The following NRCAM variants were observed in gnomAD, a reference collection of about 807,000 sequenced individuals.
NRCAM encodes the protein neuronal cell adhesion molecule.
In NRCAM, 83 loss-of-function variants were observed where a neutral mutation model predicts 156.5. That is an observed-to-expected ratio of 0.53 (90% CI 0.44 to 0.64). NRCAM has a LOEUF of 0.64. NRCAM is among the 30% of genes least tolerant of loss of function. The pLI is 0.00. For synonymous variants in NRCAM, 538 were observed against 563.9 expected (o/e 0.95, Z 0.65); for missense variants, 1,417 against 1,597.3 (o/e 0.89, Z 1.92).
intron 20 of NRCAM, 86 bp downstream of exon 20, chr7:108,189,559 T>C (rs2069724663): frequency 9.8e-6 from 7 of 712,024 alleles, no homozygotes; most frequent in Middle Eastern, 2.3e-4. Context: ...GTAAATACCT[T>C]TGTGAGGAAA....
At chr7:108,390,706 A>G (rs2099756978) in intron 2 of NRCAM, among the ~76,000 whole-genome samples, 2 of 152,118 alleles carry the variant, frequency 1.3e-5, no homozygotes, top group Admixed American at 6.5e-5. Flanking sequence ...CCTTGTGGGC[A>G]TTTAGTGCTA....
intron 3 of NRCAM, among the ~76,000 whole-genome samples, chr7:108,245,905 G>C (rs1445964578): frequency 6.6e-6 from 1 of 152,084 alleles, no homozygotes; most frequent in Non-Finnish European, 1.5e-5. Context: ...AACAATATGA[G>C]GCAATGATGT....
chr7:108,421,884 G>A (rs1050083357), intron 1 of NRCAM, among the ~76,000 whole-genome samples: 5 of 152,136 alleles, frequency 3.3e-5, no homozygotes, highest in Admixed American at 1.3e-4. Flanking sequence ...GGAGATTAAC[G>A]ACATACTTAA....
intron 3 of NRCAM, among the ~76,000 whole-genome samples, chr7:108,249,605 T>G (rs1047577494): frequency 2.0e-5 from 3 of 152,216 alleles, no homozygotes; most frequent in African/African-American, 7.2e-5. Flanking sequence ...ATTTAGAATA[T>G]AAATCAGTTT....
intron 28 of NRCAM, among the ~76,000 whole-genome samples, chr7:108,170,617 T>G (rs2057904432): frequency 6.6e-6 from 1 of 152,214 alleles, no homozygotes; most frequent in Non-Finnish European, 1.5e-5. Context: ...TTGATTGATG[T>G]GTCATAACTC....
In NRCAM at chr7:108,291,513, AG is replaced by A. The variant is rs1351523977; in HGVS notation, c.-107+21151del. ...CTTTCTCAAATGTGTCTTTCTTGAC[AG>A]GTAAGCATGAGTCAGGACTGGCTAA... is the stretch of plus-strand genomic sequence containing the variant. On this transcript the variant is annotated intron_variant, in intron 3 of 32. Coordinates refer to ENST00000379028, the MANE Select transcript of NRCAM (RefSeq NM_001037132.4). Among the ~76,000 whole-genome samples the A allele has an allele frequency of 9.9e-5, 15 of 152,212 alleles. 1 individual carries two copies. Among genetic ancestry groups the A allele is most frequent in the African/African-American group, 2.9e-4 (12 of 41,466 alleles).
At chr7:108,358,467 T>C (rs536357980) in intron 2 of NRCAM, among the ~76,000 whole-genome samples, 2 of 152,130 alleles carry the variant, frequency 1.3e-5, no homozygotes, top group East Asian at 3.9e-4. Context: ...TACGTATTTT[T>C]TTTTTTCTTT....
chr7:108,390,479 C>T (rs542412783), intron 2 of NRCAM, among the ~76,000 whole-genome samples: 36 of 152,088 alleles, frequency 2.4e-4, no homozygotes, highest in Admixed American at 4.6e-4. Context: ...CTTTATTAGT[C>T]TTGCTAGCAG....
At chr7:108,452,648 A>G (rs935449072) in intron 1 of NRCAM, among the ~76,000 whole-genome samples, 1 of 152,240 alleles carries the variant, frequency 6.6e-6, no homozygotes, top group African/African-American at 2.4e-5. Flanking sequence ...GTAATTTTCA[A>G]ATCACTTCCT....
intron 3 of NRCAM, among the ~76,000 whole-genome samples, chr7:108,254,713 C>A (rs1222466687): frequency 6.6e-6 from 1 of 152,042 alleles, no homozygotes; most frequent in Non-Finnish European, 1.5e-5. Context: ...CCATACCCAC[C>A]TAGTTTTTTT....
At chr7:108,357,713 T>C (rs905986600) in intron 2 of NRCAM, among the ~76,000 whole-genome samples, 2 of 152,210 alleles carry the variant, frequency 1.3e-5, no homozygotes, top group Admixed American at 6.5e-5. Context: ...AGACATGTCA[T>C]GGGGATGCAG....
intron 28 of NRCAM, among the ~76,000 whole-genome samples, chr7:108,172,625 A>C (rs1056558569): frequency 2.0e-5 from 3 of 152,174 alleles, no homozygotes; most frequent in South Asian, 2.1e-4. Context: ...AATTGAAAAA[A>C]TATGCCAATC....
At chr7:108,316,312 C>A (rs1273605853) in intron 2 of NRCAM, among the ~76,000 whole-genome samples, 2 of 152,178 alleles carry the variant, frequency 1.3e-5, no homozygotes, top group Non-Finnish European at 2.9e-5. Context: ...CAAGAAGGCC[C>A]TCACCAGATG....
intron 11 of NRCAM, among the ~76,000 whole-genome samples, chr7:108,210,256 T>A (rs2083411265): frequency 6.6e-6 from 1 of 151,806 alleles, no homozygotes; most frequent in Non-Finnish European, 1.5e-5. Flanking sequence ...TTGTTTTGTT[T>A]TTTTTTTTGA....
intron 2 of NRCAM, among the ~76,000 whole-genome samples, chr7:108,316,824 G>A (rs1407729001): frequency 6.6e-6 from 1 of 151,742 alleles, no homozygotes; most frequent in Non-Finnish European, 1.5e-5. Context: ...AGTTCAGTGT[G>A]CAGTCATGGC....
chr7:108,301,888 A>G (rs2098626767), intron 3 of NRCAM, among the ~76,000 whole-genome samples: 1 of 152,142 alleles, frequency 6.6e-6, no homozygotes, highest in Non-Finnish European at 1.5e-5. Context: ...TTAGGACACT[A>G]TTTCTGAGAC....
intron 25 of NRCAM, 160 bp from the exon 26 acceptor site, chr7:108,178,272 C>T (rs1255451042): frequency 3.3e-6 from 2 of 613,768 alleles, no homozygotes; most frequent in African/African-American, 3.7e-5. Context: ...GACAGGCACC[C>T]ATTTAGTTAT....
At chr7:108,389,089 T>C (rs2099751198) in intron 2 of NRCAM, among the ~76,000 whole-genome samples, 1 of 152,194 alleles carries the variant, frequency 6.6e-6, no homozygotes, top group African/African-American at 2.4e-5. Flanking sequence ...TTTCCAATTC[T>C]GTGAAGAAAG....
intron 2 of NRCAM, among the ~76,000 whole-genome samples, chr7:108,364,702 T>C (rs2099580901): frequency 6.7e-6 from 1 of 150,368 alleles, no homozygotes; most frequent in Non-Finnish European, 1.5e-5. Context: ...ACAACATGGA[T>C]GAACCTTAAA....
Sources: gnomAD v4.1 joint callset for allele counts (sites outside exome capture counted in the v4.1 genomes callset) on GRCh38, gnomAD v4.1.1 for gene constraint, MANE v1.5 for transcripts, NCBI Gene and HGNC (gene_info 2026-07-23, HGNC 2026-07-21) for gene names.